The following TMTC2 variants were observed in gnomAD, a reference collection of about 807,000 sequenced individuals.
TMTC2 encodes the protein transmembrane O-mannosyltransferase targeting cadherins 2.
TMTC2 carries 43 observed loss-of-function variants against 82.4 expected under a neutral mutation model. The observed-to-expected ratio is 0.52, with a 90% CI of 0.41 to 0.67. The LOEUF (loss-of-function observed/expected upper bound fraction) is 0.67. Ranked by LOEUF, TMTC2 falls within the 30% of genes least tolerant of loss-of-function variation. TMTC2 has a pLI of 0.00. For synonymous variants in TMTC2, 408 were observed against 381.9 expected, an observed-to-expected ratio of 1.07 and a Z score of -0.80; for missense variants, 919 against 1,012.4, an observed-to-expected ratio of 0.91 and a Z score of 1.25.
chr12:83,124,476 T>A (rs1460637539), intron 11 of TMTC2, among the ~76,000 whole-genome samples: 1 of 152,146 alleles, frequency 6.6e-6, no homozygotes, highest in Non-Finnish European at 1.5e-5. Flanking sequence ...TAGCTGTAAT[T>A]CACTCTGGTA....
chr12:83,119,436 G>T (rs776453481), intron 11 of TMTC2, among the ~76,000 whole-genome samples: 32 of 151,966 alleles, frequency 2.1e-4, no homozygotes, highest in African/African-American at 7.5e-4. Context: ...TTTAATTTCC[G>T]TGTATTTGCA....
At chr12:83,115,329 A>G (rs1047413274) in intron 11 of TMTC2, among the ~76,000 whole-genome samples, 4 of 152,354 alleles carry the variant, frequency 2.6e-5, no homozygotes, top group Middle Eastern at 3.4e-3. Flanking sequence ...AAAAGAAAAA[A>G]AGATACTGTA....
chr12:82,833,416 AC>A (rs982280870), intron 1 of TMTC2, among the ~76,000 whole-genome samples: 3 of 152,212 alleles, frequency 2.0e-5, no homozygotes, highest in African/African-American at 7.2e-5. Context: ...AAATAAAAAA[AC>A]TTCTATGTTT....
intron 6 of TMTC2, chr12:82,966,063 T>C (rs1878194319): frequency 3.1e-6 from 1 of 318,146 alleles, no homozygotes; most frequent in African/African-American, 2.1e-5. Flanking sequence ...CTCGAGCTTC[T>C]TTGCTCACCA....
chr12:83,117,056 T>G (rs12322760), intron 11 of TMTC2, among the ~76,000 whole-genome samples: 2 of 152,216 alleles, frequency 1.3e-5, no homozygotes, highest in African/African-American at 4.8e-5. Context: ...TTTTTATACT[T>G]TCAGGTCTTA....
intron 4 of TMTC2, among the ~76,000 whole-genome samples, chr12:82,956,045 G>A (rs188993417): frequency 9.2e-5 from 14 of 151,968 alleles, no homozygotes; most frequent in Non-Finnish European, 1.9e-4. Flanking sequence ...ATTAAAATAC[G>A]TTCTTCCACT....
intron 1 of TMTC2, among the ~76,000 whole-genome samples, chr12:82,841,868 C>T (rs1456673306): frequency 6.6e-6 from 1 of 152,198 alleles, no homozygotes; most frequent in Non-Finnish European, 1.5e-5. Context: ...CTTCTTTTGA[C>T]TCAAGTTTTC....
intron 2 of TMTC2, among the ~76,000 whole-genome samples, chr12:82,895,487 A>G (rs1428802519): frequency 6.6e-6 from 1 of 152,216 alleles, no homozygotes; most frequent in Non-Finnish European, 1.5e-5. Context: ...CTTGTGACCC[A>G]ACATGAATTC....
At chr12:82,996,251 TGTG>T (rs1879611165) in intron 8 of TMTC2, among the ~76,000 whole-genome samples, 1 of 152,192 alleles carries the variant, frequency 6.6e-6, no homozygotes, top group African/African-American at 2.4e-5. Flanking sequence ...TTTCCTCAAA[TGTG>T]AAGTTTTGAA....
intron 11 of TMTC2, among the ~76,000 whole-genome samples, chr12:83,113,283 T>G (rs1884654144): frequency 6.6e-6 from 1 of 152,164 alleles, no homozygotes; most frequent in African/African-American, 2.4e-5. Context: ...CTATGTAAAT[T>G]CAGAACTATA....
intron 1 of TMTC2, among the ~76,000 whole-genome samples, chr12:82,816,909 T>C (rs1392144311): frequency 6.6e-6 from 1 of 151,914 alleles, no homozygotes. Flanking sequence ...AAAGAGAATA[T>C]AGCACAGTAT....
chr12:82,937,744 G>GTATATATATATATA (rs1565818121), intron 4 of TMTC2, among the ~76,000 whole-genome samples: 1 of 27,950 alleles, frequency 3.6e-5, no homozygotes, highest in African/African-American at 1.0e-4. Flanking sequence ...GTGTGTGTGT[G>GTATATATATATATA]TGTGTGTATA....
chr12:82,833,790 G>A (rs982924109), intron 1 of TMTC2, among the ~76,000 whole-genome samples: 4 of 152,152 alleles, frequency 2.6e-5, no homozygotes, highest in Admixed American at 2.0e-4. Flanking sequence ...TTTCCAAAAC[G>A]TGAGGCAAAT....
intron 11 of TMTC2, among the ~76,000 whole-genome samples, chr12:83,102,291 A>G (rs1455233383): frequency 6.6e-6 from 1 of 152,220 alleles, no homozygotes; most frequent in East Asian, 1.9e-4. Flanking sequence ...AAAGGAACAA[A>G]TATATTTAGT....
intron 8 of TMTC2, among the ~76,000 whole-genome samples, chr12:83,021,730 C>G (rs2137405132): frequency 6.6e-6 from 1 of 152,246 alleles, no homozygotes; most frequent in East Asian, 1.9e-4. Context: ...ACTGCTGTCA[C>G]TTTTGTTTAA....
At chr12:83,081,952 ATCCTGGG>A (rs1883487322) in intron 11 of TMTC2, among the ~76,000 whole-genome samples, 1 of 152,204 alleles carries the variant, frequency 6.6e-6, no homozygotes, top group South Asian at 2.1e-4. Flanking sequence ...ACTGTACTCC[ATCCTGGG>A]CAACAGAGTG....
intron 4 of TMTC2, among the ~76,000 whole-genome samples, chr12:82,946,026 C>A (rs986396963): frequency 3.3e-5 from 5 of 152,048 alleles, no homozygotes; most frequent in Admixed American, 6.5e-5. Context: ...TCTTTCAATT[C>A]TTTGCTTCAA....
intron 2 of TMTC2, among the ~76,000 whole-genome samples, chr12:82,884,290 T>G (rs1200651459): frequency 6.6e-6 from 1 of 152,202 alleles, no homozygotes; most frequent in Admixed American, 6.5e-5. Flanking sequence ...CCTTTCTTGA[T>G]ACTTGCTTCC....
At chr12:82,719,085 A>ATATATATATATATATATTTTTTTT in intron 1 of TMTC2, among the ~76,000 whole-genome samples, 1 of 41,414 alleles carries the variant, frequency 2.4e-5, no homozygotes, top group Non-Finnish European at 3.8e-5. Flanking sequence ...ATATATATAT[A>ATATATATATATATATATTTTTTTT]TTTTTTTTTT....
Sources: allele counts gnomAD v4.1 joint callset (sites outside exome capture counted in the v4.1 genomes callset), GRCh38; gene constraint gnomAD v4.1.1; transcripts MANE v1.5; gene names NCBI Gene and HGNC (gene_info 2026-07-23, HGNC 2026-07-21).